The following SCRG1 variants were observed in gnomAD, a reference collection of about 807,000 sequenced individuals.
SCRG1 encodes the protein scrapie-responsive protein 1.
Under a neutral mutation model 7.7 loss-of-function variants are expected in SCRG1, and 3 were observed. That is an observed-to-expected ratio of 0.39 (90% CI 0.18 to 1.01). SCRG1 has a LOEUF of 1.01. SCRG1 is among the 50% of genes least tolerant of loss of function. The pLI is 0.36. For missense variants in SCRG1, 110 were observed against 117.2 expected, an observed-to-expected ratio of 0.94 and a Z score of 0.28; for synonymous variants, 46 against 41.2, an observed-to-expected ratio of 1.12 and a Z score of -0.44.
upstream of SCRG1, among the ~76,000 whole-genome samples, chr4:173,407,631 T>C (rs1270814638): frequency 2.6e-5 from 4 of 152,244 alleles, no homozygotes; most frequent in African/African-American, 9.6e-5. Context: ...ATTTTTCAGG[T>C]CAATTAAAAT....
chr4:173,449,060 G>A, the SCRG1 span, among the ~76,000 whole-genome samples: 5 of 152,208 alleles, frequency 3.3e-5, no homozygotes, highest in African/African-American at 1.2e-4. Flanking sequence ...CTAACAGAGT[G>A]AGAGGTCTCC....
At chr4:173,389,758 A>G in intron 2 of SCRG1, 1 of 244,634 alleles carries the variant, frequency 4.1e-6, no homozygotes. Context: ...CGTGGGTTCT[A>G]ATCCCAGTGT....
At chr4:173,479,977 A>AT in the SCRG1 span, among the ~76,000 whole-genome samples, 55 of 151,882 alleles carry the variant, frequency 3.6e-4, 1 homozygote, top group African/African-American at 1.1e-3. Context: ...TTTATTAAAA[A>AT]TTTTTTTTGT....
chr4:173,420,493 G>T, the SCRG1 span, among the ~76,000 whole-genome samples: 8 of 152,114 alleles, frequency 5.3e-5, no homozygotes, highest in Non-Finnish European at 1.2e-4. Flanking sequence ...GACCAGTAGA[G>T]GTCATAGATG....
At chr4:173,406,103 C>G (rs564851269) in intron 1 of SCRG1, among the ~76,000 whole-genome samples, 43 of 152,348 alleles carry the variant, frequency 2.8e-4, no homozygotes, top group African/African-American at 9.9e-4. Context: ...GCCTCCAACT[C>G]TAATCCATTA....
At chr4:173,497,526 G>C in the SCRG1 span, among the ~76,000 whole-genome samples, 1 of 151,784 alleles carries the variant, frequency 6.6e-6, no homozygotes, top group African/African-American at 2.4e-5. Context: ...GCATTAATTG[G>C]GCTAGTCAAG....
the SCRG1 span, among the ~76,000 whole-genome samples, chr4:173,500,474 G>T: frequency 1.5e-5 from 2 of 135,666 alleles, no homozygotes; most frequent in African/African-American, 5.5e-5. Context: ...AGTAAATTTT[G>T]TGTGTGTGTG....
At chr4:173,434,148 G>A in the SCRG1 span, among the ~76,000 whole-genome samples, 1,276 of 152,268 alleles carry the variant, frequency 8.4e-3, 26 homozygotes, top group African/African-American at 0.025. Context: ...GGTGGGTAGA[G>A]GAGACAGTGG....
the SCRG1 span, among the ~76,000 whole-genome samples, chr4:173,424,694 A>G: frequency 2.6e-5 from 4 of 152,138 alleles, no homozygotes; most frequent in African/African-American, 9.7e-5. Flanking sequence ...GGATCTCCTG[A>G]GGTCAGGAGT....
chr4:173,485,072 T>C, the SCRG1 span, among the ~76,000 whole-genome samples: 2 of 12,478 alleles, frequency 1.6e-4, no homozygotes, highest in Non-Finnish European at 3.9e-4. Context: ...TTATATATTA[T>C]ATATTATATA....
At chr4:173,466,531 C>A in the SCRG1 span, among the ~76,000 whole-genome samples, 30 of 152,068 alleles carry the variant, frequency 2.0e-4, no homozygotes. Flanking sequence ...TTAAGGGAGA[C>A]CAGGATTCCA....
At chr4:173,482,192 A>G in the SCRG1 span, among the ~76,000 whole-genome samples, 2 of 152,172 alleles carry the variant, frequency 1.3e-5, no homozygotes, top group Non-Finnish European at 2.9e-5. Context: ...TGAATGATAT[A>G]GGCCACACTT....
At chr4:173,491,672 AGAG>A in the SCRG1 span, among the ~76,000 whole-genome samples, 1 of 152,328 alleles carries the variant, frequency 6.6e-6, no homozygotes, top group Admixed American at 6.5e-5. Flanking sequence ...GTAATGTTGC[AGAG>A]GAGATGTGCA....
chr4:173,507,197 C>CTGTTTGTTTGTT, the SCRG1 span, among the ~76,000 whole-genome samples: 62 of 151,390 alleles, frequency 4.1e-4, no homozygotes, highest in African/African-American at 1.4e-3. This position sits in a 1 kb window ranked among gnomAD's most constrained non-coding sequence, Gnocchi z 4.4. Context: ...CCCTGTTTTT[C>CTGTTTGTTTGTT]TGTTTGTTTG....
chr4:173,518,207 G>T, the SCRG1 span, among the ~76,000 whole-genome samples: 11 of 152,234 alleles, frequency 7.2e-5, no homozygotes, highest in East Asian at 2.1e-3. Flanking sequence ...AATGGGTGGG[G>T]CCTGGAAATC....
At chr4:173,484,931 T>TTATAG in the SCRG1 span, among the ~76,000 whole-genome samples, 379 of 58,252 alleles carry the variant, frequency 6.5e-3, 24 homozygotes, top group African/African-American at 0.025. Context: ...ATATTATATA[T>TTATAG]TATATTATAT....
rs1056623747 is a variant in SCRG1, at chr4:173,384,839, C to G, written c.*3502G>C. 2.0e-5 allele frequency: 3 copies of G among 152,166 alleles called. No homozygotes were observed. The highest frequency in any genetic ancestry group is 4.4e-5 in the Non-Finnish European group (3 of 68,022). The allele number at this position is 152,166 out of a possible 1,614,324, so 9.4% of individuals were successfully genotyped here. A position where few individuals can be genotyped will look rare whatever the true frequency, so the allele number is the denominator to read the frequency against. The stretch of plus-strand genomic sequence containing the variant: ...AGTCAAAGATAACAATACAGAAATA[C>G]TTGTTCAGTAAGCTTTTAGCATATA... On this transcript the variant is annotated 3_prime_UTR_variant, in exon 3 of 3. Coordinates refer to ENST00000296506, the MANE Select transcript of SCRG1 (RefSeq NM_007281.4).
At chr4:173,494,897 C>T in the SCRG1 span, among the ~76,000 whole-genome samples, 1 of 152,204 alleles carries the variant, frequency 6.6e-6, no homozygotes, top group African/African-American at 2.4e-5. Flanking sequence ...GGTTCTGGCT[C>T]GTTTCTATCA....
the SCRG1 span, among the ~76,000 whole-genome samples, chr4:173,447,871 G>A: frequency 6.6e-6 from 1 of 152,160 alleles, no homozygotes; most frequent in Non-Finnish European, 1.5e-5. Flanking sequence ...TTGGGAGGCC[G>A]AGGCAGGCGA....
Sources: gnomAD v4.1 joint callset for allele counts (sites outside exome capture counted in the v4.1 genomes callset) on GRCh38, gnomAD v4.1.1 for gene constraint, Gnocchi (gnomAD v3.1) non-coding constraint, MANE v1.5 for transcripts, NCBI Gene and HGNC (gene_info 2026-07-23, HGNC 2026-07-21) for gene names.